DNAH8: variants seen among roughly 807,000 people sequenced by gnomAD.
DNAH8 encodes the protein axonemal beta dynein heavy chain 8.
DNAH8 carries 382 observed loss-of-function variants against 562.1 expected under a neutral mutation model. The ratio of observed to expected loss-of-function variants is 0.68; its 90% CI spans 0.63 to 0.74. DNAH8 has a LOEUF of 0.74. Among genes scored for constraint, DNAH8 ranks in the 30% least tolerant of loss-of-function variants. The pLI is 0.00. For missense variants in DNAH8, 5,203 were observed against 5,620.4 expected (o/e 0.93, Z 2.37); for synonymous variants, 1,881 against 1,919.4 (o/e 0.98, Z 0.52).
chr6:38,825,844 C>T (rs1773267184), intron 28 of DNAH8, among the ~76,000 whole-genome samples: 1 of 152,102 alleles, frequency 6.6e-6, no homozygotes, highest in Non-Finnish European at 1.5e-5. Flanking sequence ...ATGAGGGCCG[C>T]TAATGGGATG....
chr6:38,988,344 G>A (rs142802489), intron 87 of DNAH8, among the ~76,000 whole-genome samples: 65 of 152,190 alleles, frequency 4.3e-4, no homozygotes, highest in African/African-American at 1.4e-3. Flanking sequence ...TAAAGTGCTG[G>A]GAAAATAGTA....
chr6:39,011,144 C>G (rs996918398), intron 89 of DNAH8, among the ~76,000 whole-genome samples: 3 of 149,654 alleles, frequency 2.0e-5, no homozygotes, highest in Non-Finnish European at 4.4e-5. Flanking sequence ...CCGTCTTCCT[C>G]TTTCACTCAC....
At chr6:38,777,277 G>T (rs1340146955) in intron 13 of DNAH8, among the ~76,000 whole-genome samples, 1 of 151,564 alleles carries the variant, frequency 6.6e-6, no homozygotes, top group Non-Finnish European at 1.5e-5. Context: ...TGAAAAACTT[G>T]TTATCTCTTA....
At chr6:38,945,340 A>C in intron 79 of DNAH8, 127 bp from the exon 80 acceptor site, 1 of 1,001,836 alleles carries the variant, frequency 1.0e-6, no homozygotes, top group South Asian at 1.7e-5. Flanking sequence ...TTTCTGTAAT[A>C]TTATTATTTT....
rs1024739716 is a variant in DNAH8 at position 38,842,920 on chromosome 6, G to A, written c.4845+17G>A. 14 of 1,607,224 alleles carry A rather than the reference G, an allele frequency of 8.7e-6. No individual in the cohort carries two copies. Among genetic ancestry groups the A allele is most frequent in the African/African-American group, 1.3e-5 (1 of 74,528 alleles). ...GATATTGAGGTACATAAGTGTATACGTTCTTATCAATGATCCATTAAAGAA... is the reference window on the plus strand; with the variant it reads ...GATATTGAGGTACATAAGTGTATACATTCTTATCAATGATCCATTAAAGAA... On this transcript the variant is annotated intron_variant, in intron 35 of 92. Transcript: ENST00000327475.
chr6:38,942,637 G>T (rs1783553898), intron 79 of DNAH8, among the ~76,000 whole-genome samples: 1 of 152,196 alleles, frequency 6.6e-6, no homozygotes, highest in Non-Finnish European at 1.5e-5. Context: ...AGAGAACTTT[G>T]TACCTGCAGA....
intron 91 of DNAH8, among the ~76,000 whole-genome samples, chr6:39,018,947 G>A (rs1766730000): frequency 6.6e-6 from 1 of 152,230 alleles, no homozygotes; most frequent in African/African-American, 2.4e-5. Flanking sequence ...ACGAGGAAAT[G>A]GAGACTAGGT....
At chr6:38,995,216 T>C (rs948514796) in intron 88 of DNAH8, among the ~76,000 whole-genome samples, 1 of 152,216 alleles carries the variant, frequency 6.6e-6, no homozygotes, top group Non-Finnish European at 1.5e-5. Flanking sequence ...GTGAATTATA[T>C]TAATGGATTT....
chr6:38,932,105 C>A, intron 76 of DNAH8, 112 bp downstream of exon 76: 1 of 719,912 alleles, frequency 1.4e-6, no homozygotes, highest in Non-Finnish European at 2.1e-6. Context: ...CATATTTATC[C>A]TTGTTAACAT....
intron 6 of DNAH8, among the ~76,000 whole-genome samples, 154 bp from the exon 7 acceptor site, chr6:38,737,655 C>T (rs1375004779): frequency 3.3e-5 from 5 of 150,654 alleles, no homozygotes; most frequent in African/African-American, 1.2e-4. Context: ...AGATCTTTAA[C>T]ATTTCAGTAA....
Position 38,907,971 on chromosome 6 carries a change from G to T in DNAH8, c.9364G>T (p.Ala3122Ser). 1 of 1,600,460 alleles carries T rather than the reference G, an allele frequency of 6.2e-7. No homozygotes were observed. The highest frequency in any genetic ancestry group is 1.3e-5 in the African/African-American group (1 of 74,184). Residue 3122 changes from alanine (A) to serine (S), a missense_variant, in exon 64 of 93, where the codon GCA becomes TCA. Physicochemically the swap from Ala to Ser is moderately conservative, Grantham distance 99. Coordinates refer to ENST00000327475, the MANE Select transcript of DNAH8 (RefSeq NM_001206927.2). ...TTCCTTAAAGATCTCCAACTTGTTT[G>T]CACGAGATGAGATGGATGAAATCAC... ...LSSGEISNLFARDEMDEITQG... is the reference protein window; with the variant it reads ...LSSGEISNLFSRDEMDEITQG...
chr6:38,848,511 A>G (rs1252259596), intron 36 of DNAH8, 137 bp from the exon 37 acceptor site: 2 of 637,380 alleles, frequency 3.1e-6, no homozygotes, highest in Non-Finnish European at 5.4e-6. Flanking sequence ...TAGCTGTATG[A>G]TATCTATTAG....
Position 38,852,667 on chromosome 6 carries a change from T to A in DNAH8, c.5467-27T>A, listed in dbSNP as rs373879559. On this transcript the variant is annotated intron_variant, in intron 39 of 92. Coordinates refer to ENST00000327475, the MANE Select transcript of DNAH8 (RefSeq NM_001206927.2). ...TCAGCGGCTTTTGTGTCCAGCCTCATGTGTGACGTTTTCCTCTGTCTTACA... is the reference window on the plus strand; with the variant it reads ...TCAGCGGCTTTTGTGTCCAGCCTCAAGTGTGACGTTTTCCTCTGTCTTACA... 5 of 1,531,774 alleles carry A rather than the reference T, an allele frequency of 3.3e-6. No homozygotes were observed. The African/African-American group carries it at 5.5e-5, about 17-fold the overall frequency. The allele number at this position is 1,531,774 out of a possible 1,614,324, so 94.9% of individuals were successfully genotyped here.
chr6:38,874,961 G>A (rs1430172256), intron 52 of DNAH8, among the ~76,000 whole-genome samples: 1 of 152,184 alleles, frequency 6.6e-6, no homozygotes, highest in Non-Finnish European at 1.5e-5. Context: ...TACTGTACTT[G>A]TCTTTCTGAT....
rs761327493 is a variant in DNAH8, at chr6:38,734,519, T to A, written c.656T>A (p.Met219Lys). ...GGAGCAACTAAAGGGGCAAAAATGA[T>A]GAAATTGTATATAGACAATGCAGCC... Reference protein sequence around the residue: ...IAGATKGAKMMKLYIDNAAPD... With the variant: ...IAGATKGAKMKKLYIDNAAPD... Residue 219 changes from methionine (M) to lysine (K), a missense_variant, in exon 5 of 93, where the codon ATG becomes AAG. Transcript: ENST00000327475. 1 of 1,613,844 alleles carries A rather than the reference T, an allele frequency of 6.2e-7. No individual in the cohort carries two copies. The highest frequency in any genetic ancestry group is 1.1e-5 in the South Asian group (1 of 91,020).
At chr6:38,965,220 G>A (rs1424304062) in intron 82 of DNAH8, among the ~76,000 whole-genome samples, 2 of 152,046 alleles carry the variant, frequency 1.3e-5, no homozygotes, top group Non-Finnish European at 2.9e-5. Context: ...TTTTTAGAAG[G>A]TGATATTCCA....
At chr6:38,933,150 G>C (rs1782687248) in intron 76 of DNAH8, among the ~76,000 whole-genome samples, 3 of 152,060 alleles carry the variant, frequency 2.0e-5, no homozygotes. Context: ...TTGGTGCTGT[G>C]GGTTTATTTT....
intron 85 of DNAH8, among the ~76,000 whole-genome samples, chr6:38,981,115 A>G (rs1238959867): frequency 6.6e-6 from 1 of 151,908 alleles, no homozygotes; most frequent in Non-Finnish European, 1.5e-5. Flanking sequence ...ACTTAGAGGT[A>G]AAAGAGTAGA....
intron 82 of DNAH8, among the ~76,000 whole-genome samples, chr6:38,952,072 A>G (rs1258272624): frequency 6.6e-6 from 1 of 152,196 alleles, no homozygotes; most frequent in Non-Finnish European, 1.5e-5. Flanking sequence ...ACTGCAGTAA[A>G]TGTTTCATAG....
Sources: allele counts gnomAD v4.1 joint callset (sites outside exome capture counted in the v4.1 genomes callset), GRCh38; gene constraint gnomAD v4.1.1; transcripts MANE v1.5; gene names NCBI Gene and HGNC (gene_info 2026-07-23, HGNC 2026-07-21).